SNX8: variants seen among roughly 807,000 people sequenced by gnomAD.
SNX8 encodes sorting nexin 8, also known as sorting nexin-8.
In SNX8, 25 loss-of-function variants were observed where a neutral mutation model predicts 51.6. That is an observed-to-expected ratio of 0.48 (90% CI 0.35 to 0.68). SNX8 has a LOEUF of 0.68. Among genes scored for constraint, SNX8 ranks in the 30% least tolerant of loss-of-function variants. The pLI is 0.00. For missense variants in SNX8, 695 were observed against 624.0 expected (o/e 1.11, Z -1.21); for synonymous variants, 324 against 277.0 (o/e 1.17, Z -1.68).
chr7:2,319,079 C>G (rs1412363936), upstream of SNX8, among the ~76,000 whole-genome samples: 1 of 152,160 alleles, frequency 6.6e-6, no homozygotes, highest in Non-Finnish European at 1.5e-5. Flanking sequence ...TGGCTCACGC[C>G]TGTAACCCCA....
At chr7:2,282,992 A>G (rs371534777) in intron 1 of SNX8, among the ~76,000 whole-genome samples, 22,873 of 150,062 alleles carry the variant, frequency 0.15, 1,968 homozygotes, top group Middle Eastern at 0.25. Context: ...GTGGTGGCGG[A>G]AGCCTGTAGT....
rs987796754 is a variant in SNX8 at position 2,314,395 on chromosome 7, C to T, written c.27G>A (p.Leu9=). 9 of 1,220,236 alleles carry T rather than the reference C, an allele frequency of 7.4e-6. No individual in the cohort carries two copies. The highest frequency in any genetic ancestry group is 3.1e-5 in the African/African-American group (2 of 63,844). 75.6% of individuals were successfully genotyped at this position (1,220,236 alleles called of 1,614,324 possible). The part of the protein sequence containing the change: MTGRAMDP[L]PAAAVGAAAE... ...CTGCCGCCCCGACTGCAGCCGCGGG[C>T]AGCGGGTCCATCGCGCGGCCAGTCA... The change falls in exon 1 of 11, where the codon CTG becomes CTA. Residue 9 remains leucine, a synonymous_variant. Coordinates refer to ENST00000222990, the MANE Select transcript of SNX8 (RefSeq NM_013321.4).
At chr7:2,279,550 A>C (rs1338535934) in intron 1 of SNX8, among the ~76,000 whole-genome samples, 1 of 152,098 alleles carries the variant, frequency 6.6e-6, no homozygotes, top group Non-Finnish European at 1.5e-5. Context: ...TCAGGAGTTC[A>C]AGACCACCCT....
chr7:2,262,799 C>A (rs1795368203), intron 7 of SNX8, among the ~76,000 whole-genome samples: 1 of 152,226 alleles, frequency 6.6e-6, no homozygotes, highest in Non-Finnish European at 1.5e-5. Context: ...CCACCCAGGG[C>A]ACAGCTGTCA....
Position 2,264,424 on chromosome 7 carries a change from G to A in SNX8, c.656C>T (p.Ala219Val), listed in dbSNP as rs866146259. ...GTTCCGGATCAGCTCCCGGCTGATG[G>A]CAAACTGAGCCTGGATGTCAGCTGG... The part of the protein sequence containing the change: ...FLPADIQAQF[A>V]ISRELIRNIY... Residue 219 changes from alanine (A) to valine (V), a missense_variant, in exon 6 of 11, where the codon GCC becomes GTC. Transcript: ENST00000222990. 1.2e-6 allele frequency: 2 copies of A among 1,611,818 alleles called. No individual in the cohort carries two copies. The highest frequency in any genetic ancestry group is 8.5e-7 in the Non-Finnish European group (1 of 1,179,864).
upstream of SNX8, among the ~76,000 whole-genome samples, chr7:2,317,336 T>C (rs1755687631): frequency 7.7e-6 from 1 of 130,342 alleles, no homozygotes; most frequent in Non-Finnish European, 1.6e-5. Context: ...CGGAGGGCAG[T>C]GGCATGATCT....
Position 2,351,756 on chromosome 7 carries a change from G to A in SNX8, c.-66+2466C>T, listed in dbSNP as rs180973727. Among the ~76,000 whole-genome samples the A allele has an allele frequency of 2.4e-3, 361 of 151,448 alleles. 3 individuals carry two copies. Among genetic ancestry groups the A allele is most frequent in the African/African-American group, 7.8e-3 (322 of 41,284 alleles). On this transcript the variant is annotated intron_variant, in intron 1 of 5. Coordinates refer to the SNX8 transcript ENST00000435336. ...TGAGGCAGGAGAATTGCTTGAACCC[G>A]GGAGGTGGAGCTTGCAGTGATCCGA...
chr7:2,269,940 G>A (rs1282855951), intron 4 of SNX8, among the ~76,000 whole-genome samples: 2 of 152,142 alleles, frequency 1.3e-5, no homozygotes, highest in Admixed American at 1.3e-4. Context: ...TCCATCCACA[G>A]ACCAGGGGCG....
chr7:2,334,027 C>T (rs566977076), intron 1 of SNX8, among the ~76,000 whole-genome samples: 22 of 152,000 alleles, frequency 1.4e-4, no homozygotes, highest in African/African-American at 3.9e-4. Flanking sequence ...CTCAGCTACT[C>T]GGAAGGCCAA....
intron 1 of SNX8, among the ~76,000 whole-genome samples, chr7:2,346,007 C>G (rs1779016193): frequency 6.6e-6 from 1 of 151,934 alleles, no homozygotes; most frequent in African/African-American, 2.4e-5. Context: ...AGGGTTTCAC[C>G]ATGTTGGCCA....
chr7:2,254,956 C>A lies in SNX8; in HGVS notation c.*100G>T. ...GCTCCAGCTGCAGCACGGGGCGTGG[C>A]GGGGAGGGGAGCTGCCGTCCAAAGG... On this transcript the variant is annotated 3_prime_UTR_variant, in exon 11 of 11. Coordinates refer to ENST00000222990, the MANE Select transcript of SNX8 (RefSeq NM_013321.4). 1.2e-6 allele frequency: 1 copy of A among 828,262 alleles called. No individual in the cohort carries two copies. Among genetic ancestry groups the A allele is most frequent in the South Asian group, 1.5e-5 (1 of 68,564 alleles). 51.3% of individuals were successfully genotyped at this position (828,262 alleles called of 1,614,324 possible). A position where few individuals can be genotyped will look rare whatever the true frequency, so the allele number is the denominator to read the frequency against.
intron 1 of SNX8, among the ~76,000 whole-genome samples, chr7:2,351,110 C>A (rs575911566): frequency 6.6e-6 from 1 of 152,034 alleles, no homozygotes; most frequent in African/African-American, 2.4e-5. Flanking sequence ...AGAGTGAGAC[C>A]TTGTCTCAAA....
At chr7:2,283,205 C>T (rs1034884545) in intron 1 of SNX8, among the ~76,000 whole-genome samples, 1 of 152,234 alleles carries the variant, frequency 6.6e-6, no homozygotes, top group African/African-American at 2.4e-5. Context: ...CACACCTTCG[C>T]AAATGCTGAC....
At chr7:2,300,076 GA>G (rs1231879586) in intron 1 of SNX8, among the ~76,000 whole-genome samples, 1 of 152,144 alleles carries the variant, frequency 6.6e-6, no homozygotes, top group Non-Finnish European at 1.5e-5. Flanking sequence ...TAGGAACTGT[GA>G]AAAATGTCAC....
At chr7:2,272,090 G>A (rs899174585) in intron 3 of SNX8, 119 bp from the exon 4 acceptor site, 6 of 1,389,472 alleles carry the variant, frequency 4.3e-6, no homozygotes, top group East Asian at 4.8e-5. Context: ...CTAGCAGAGG[G>A]CACTGGCTGG....
intron 1 of SNX8, among the ~76,000 whole-genome samples, chr7:2,323,521 A>G (rs185752590): frequency 7.2e-5 from 11 of 152,232 alleles, no homozygotes; most frequent in East Asian, 3.9e-4. Flanking sequence ...ACCGGCATGC[A>G]GAGACCCAGG....
intron 1 of SNX8, among the ~76,000 whole-genome samples, chr7:2,278,553 G>A (rs1013331698): frequency 1.6e-4 from 25 of 152,208 alleles, no homozygotes; most frequent in African/African-American, 5.1e-4. Flanking sequence ...CTCTGGCCAC[G>A]TCATGCAACA....
chr7:2,341,920 C>T (rs560195735), intron 1 of SNX8, among the ~76,000 whole-genome samples: 295 of 152,072 alleles, frequency 1.9e-3, no homozygotes, highest in African/African-American at 6.5e-3. Context: ...TTGCAGTGAG[C>T]GGAGATCGCA....
At chr7:2,320,507 G>A (rs979767051) in intron 1 of SNX8, among the ~76,000 whole-genome samples, 12 of 152,112 alleles carry the variant, frequency 7.9e-5, no homozygotes, top group African/African-American at 1.7e-4. Flanking sequence ...GATGACTTGA[G>A]CCCAGGAGTT....
Sources: allele counts gnomAD v4.1 joint callset (sites outside exome capture counted in the v4.1 genomes callset), GRCh38; gene constraint gnomAD v4.1.1; transcripts MANE v1.5; gene names NCBI Gene and HGNC (gene_info 2026-07-23, HGNC 2026-07-21).